The following PRKAR1B variants were observed in gnomAD, a reference collection of about 807,000 sequenced individuals.
The protein encoded by PRKAR1B is protein kinase cAMP-dependent type I regulatory subunit beta.
Under a neutral mutation model 46.5 loss-of-function variants are expected in PRKAR1B, and 22 were observed. That is an observed-to-expected ratio of 0.47 (90% CI 0.34 to 0.68). PRKAR1B has a LOEUF of 0.68. PRKAR1B is among the 30% of genes least tolerant of loss of function. PRKAR1B has a pLI of 0.01. For synonymous variants in PRKAR1B, 259 were observed against 217.7 expected (o/e 1.19, Z -1.67); for missense variants, 445 against 535.6 (o/e 0.83, Z 1.67).
chr7:726,605 G>A (rs1583467106), intron 1 of PRKAR1B: 9 of 811,102 alleles, frequency 1.1e-5, no homozygotes, highest in African/African-American at 3.6e-5. Context: ...CGTGCGCACC[G>A]GCGGGGAGGA....
intron 6 of PRKAR1B, among the ~76,000 whole-genome samples, chr7:601,884 G>A (rs944631192): frequency 2.6e-5 from 4 of 152,134 alleles, no homozygotes; most frequent in African/African-American, 7.2e-5. Context: ...GCCTGACCCG[G>A]GGGGGCTGGG....
chr7:607,782 C>T (rs541817463), intron 4 of PRKAR1B: 1 of 262,896 alleles, frequency 3.8e-6, no homozygotes, highest in East Asian at 1.1e-4. Context: ...AGATTGTGAA[C>T]ATTCTCCCAT....
intron 7 of PRKAR1B, among the ~76,000 whole-genome samples, chr7:588,747 ATGGTGATGG>A (rs1250126632): frequency 0.02 from 115 of 5,782 alleles, 2 homozygotes; most frequent in African/African-American, 0.041. Context: ...GACAGTGGTG[ATGGTGATGG>A]TGATGGTGGT....
chr7:721,218 G>A (rs1373816994), intron 1 of PRKAR1B, among the ~76,000 whole-genome samples: 2 of 152,180 alleles, frequency 1.3e-5, no homozygotes, highest in East Asian at 3.9e-4. Flanking sequence ...CCACATGAGT[G>A]TTGTAATTTT....
At chr7:727,991 A>T (rs1008713136), upstream of PRKAR1B, among the ~76,000 whole-genome samples, 2 of 151,478 alleles carry the variant, frequency 1.3e-5, no homozygotes, top group Non-Finnish European at 2.9e-5. Context: ...ACGCGCTTTG[A>T]GACTCTGCTC....
chr7:698,163 G>A (rs572072682), intron 2 of PRKAR1B, among the ~76,000 whole-genome samples: 8 of 151,914 alleles, frequency 5.3e-5, no homozygotes, highest in African/African-American at 1.2e-4. Context: ...CCAGCACTTC[G>A]GGAGGCCAAG....
At chr7:713,191 T>TGGC (rs1780749718) in intron 1 of PRKAR1B, 1 of 152,610 alleles carries the variant, frequency 6.6e-6, no homozygotes, top group Non-Finnish European at 1.5e-5. Flanking sequence ...CCTGCCAGGG[T>TGGC]GGCGGCGGCA....
chr7:709,750 C>T (rs537479727), intron 2 of PRKAR1B, among the ~76,000 whole-genome samples: 1 of 152,234 alleles, frequency 6.6e-6, no homozygotes, highest in Admixed American at 6.5e-5. Context: ...TCACCACAGC[C>T]TCAAACTCCT....
chr7:576,514 A>G (rs761986986), intron 9 of PRKAR1B, among the ~76,000 whole-genome samples: 2 of 152,092 alleles, frequency 1.3e-5, no homozygotes, highest in Non-Finnish European at 2.9e-5. Flanking sequence ...TCATTCCTTC[A>G]TGCATTCATT....
chr7:717,892 AC>A (rs1429153387), intron 1 of PRKAR1B, among the ~76,000 whole-genome samples: 1 of 151,562 alleles, frequency 6.6e-6, no homozygotes, highest in African/African-American at 2.4e-5. Flanking sequence ...CCTGAGGCTC[AC>A]CCCTGCCCGG....
intron 2 of PRKAR1B, chr7:691,828 TAA>T (rs1296744963): frequency 8.5e-7 from 1 of 1,181,322 alleles, no homozygotes; most frequent in East Asian, 6.0e-5. Context: ...CCCTGCCAAG[TAA>T]ACACCTCATC....
chr7:709,608 G>C (rs1029725145), intron 2 of PRKAR1B, among the ~76,000 whole-genome samples: 1 of 152,096 alleles, frequency 6.6e-6, no homozygotes, highest in African/African-American at 2.4e-5. Context: ...CTGACCTCGT[G>C]ATCTGCCCAC....
chr7:588,207 C>T (rs1038931834), intron 7 of PRKAR1B, among the ~76,000 whole-genome samples: 10 of 152,044 alleles, frequency 6.6e-5, no homozygotes, highest in African/African-American at 9.7e-5. Flanking sequence ...GGGACAAGGA[C>T]CCTAAGGACA....
chr7:584,729 G>A (rs13221342), intron 7 of PRKAR1B, among the ~76,000 whole-genome samples, 161 bp from the exon 8 acceptor site: 83,076 of 151,892 alleles, frequency 0.55, 23,753 homozygotes, highest in East Asian at 0.84. Flanking sequence ...TGCGTGAGCT[G>A]CCACGGTGTC....
intron 4 of PRKAR1B, among the ~76,000 whole-genome samples, chr7:630,775 A>T (rs9690480): frequency 6.6e-6 from 1 of 151,728 alleles, no homozygotes; most frequent in African/African-American, 2.4e-5. Flanking sequence ...AGCCACCCCC[A>T]GGCCCAGTCA....
At chr7:716,354 T>C (rs1233550424) in intron 1 of PRKAR1B, among the ~76,000 whole-genome samples, 3 of 151,010 alleles carry the variant, frequency 2.0e-5, no homozygotes, top group African/African-American at 7.3e-5. Context: ...CCGCACCCGG[T>C]CCGAAGCCAC....
chr7:620,486 C>T (rs1783055189), intron 4 of PRKAR1B, among the ~76,000 whole-genome samples: 2 of 152,180 alleles, frequency 1.3e-5, no homozygotes, highest in Admixed American at 1.3e-4. Context: ...ACCCACCCAG[C>T]CCCTTGGGCT....
chr7:582,652 A>G (rs904924119), intron 8 of PRKAR1B, among the ~76,000 whole-genome samples: 2 of 152,244 alleles, frequency 1.3e-5, no homozygotes, highest in African/African-American at 4.8e-5. Flanking sequence ...GGGGGTCACC[A>G]GCCCTCGCCC....
In PRKAR1B at chr7:549,602, G is replaced by A. The variant is rs758722266; in HGVS notation, c.*828C>T. On this transcript the variant is annotated 3_prime_UTR_variant, in exon 11 of 11. Transcript: ENST00000537384. ...GCGGGTCGGGGCGTGTGGGGCCCGC[G>A]GCTGGCTTGACTTCTGCTTTCCCCC... The A allele has an allele frequency of 1.3e-5, 2 of 152,328 alleles. No homozygotes were observed. Among genetic ancestry groups the A allele is most frequent in the African/African-American group, 2.4e-5 (1 of 41,448 alleles). 9.4% of individuals were successfully genotyped at this position (152,328 alleles called of 1,614,324 possible).
Sources: gnomAD v4.1 joint callset for allele counts (sites outside exome capture counted in the v4.1 genomes callset) on GRCh38, gnomAD v4.1.1 for gene constraint, MANE v1.5 for transcripts, NCBI Gene and HGNC (gene_info 2026-07-23, HGNC 2026-07-21) for gene names.